Variants in APLF observed in about 807,000 individuals in gnomAD.
The protein encoded by APLF is aprataxin and PNK-like factor.
Under a neutral mutation model 55.6 loss-of-function variants are expected in APLF, and 61 were observed. That is an observed-to-expected ratio of 1.10 (90% CI 0.89 to 1.36). APLF has a LOEUF of 1.36. Among genes scored for constraint, APLF ranks in the 40% most tolerant of loss-of-function variants. APLF has a pLI of 0.00. For synonymous variants in APLF, 207 were observed against 214.8 expected (o/e 0.96, Z 0.32); for missense variants, 611 against 602.5 (o/e 1.01, Z -0.15).
At chr2:68,518,750 T>TATATAATAAAATATTAATAATATATC (rs1269159035) in intron 5 of APLF, among the ~76,000 whole-genome samples, 76 of 110,854 alleles carry the variant, frequency 6.9e-4, no homozygotes, top group African/African-American at 2.9e-3. Flanking sequence ...ATATCATTAA[T>TATATAATAAAATATTAATAATATATC]ATATAATAAA....
chr2:68,573,164 A>G (rs1671532214), intron 9 of APLF, among the ~76,000 whole-genome samples: 1 of 152,170 alleles, frequency 6.6e-6, no homozygotes, highest in Admixed American at 6.5e-5. Flanking sequence ...TTTCATCACC[A>G]TGGTAGATCA....
intron 5 of APLF, among the ~76,000 whole-genome samples, chr2:68,520,520 T>C (rs1669866719): frequency 6.6e-6 from 1 of 151,974 alleles, no homozygotes; most frequent in South Asian, 2.1e-4. Flanking sequence ...TCCAGTTTCA[T>C]TCTTTTACAT....
intron 8 of APLF, among the ~76,000 whole-genome samples, chr2:68,566,145 T>C (rs942152468): frequency 1.3e-5 from 2 of 152,084 alleles, no homozygotes; most frequent in African/African-American, 4.8e-5. Context: ...GGAGGATTTA[T>C]AGAAAAATTT....
At chr2:68,567,937 A>C (rs1196912348) in intron 9 of APLF, among the ~76,000 whole-genome samples, 1 of 152,088 alleles carries the variant, frequency 6.6e-6, no homozygotes, top group African/African-American at 2.4e-5. Flanking sequence ...CAGAAAATTC[A>C]CTTTTTATTA....
At chr2:68,493,268 G>A (rs1010038945) in intron 2 of APLF, among the ~76,000 whole-genome samples, 2 of 152,080 alleles carry the variant, frequency 1.3e-5, no homozygotes, top group East Asian at 3.9e-4. Flanking sequence ...CTAGCATTGC[G>A]TATCAGTGGG....
intron 1 of APLF, among the ~76,000 whole-genome samples, chr2:68,486,964 C>G (rs1057088682): frequency 7.2e-5 from 11 of 152,186 alleles, no homozygotes; most frequent in Middle Eastern, 3.4e-3. Context: ...CCAGTGTATT[C>G]TTTTTGAGTC....
chr2:68,564,975 A>G (rs542385696), intron 8 of APLF, among the ~76,000 whole-genome samples: 94 of 152,264 alleles, frequency 6.2e-4, no homozygotes, highest in Non-Finnish European at 1.0e-3. Context: ...TGAATTAACT[A>G]AATACAATTT....
At chr2:68,481,059 T>A (rs1478016430) in intron 1 of APLF, among the ~76,000 whole-genome samples, 1 of 152,204 alleles carries the variant, frequency 6.6e-6, no homozygotes, top group African/African-American at 2.4e-5. Flanking sequence ...ATCAGGGATG[T>A]TGACTTGTAA....
At chr2:68,570,148 G>T (rs375245006) in intron 9 of APLF, among the ~76,000 whole-genome samples, 1 of 151,816 alleles carries the variant, frequency 6.6e-6, no homozygotes, top group Non-Finnish European at 1.5e-5. Context: ...CCTGTCATTT[G>T]TTAAGTTTCT....
chr2:68,551,603 CTTT>C (rs70954311), intron 8 of APLF, among the ~76,000 whole-genome samples: 1 of 115,742 alleles, frequency 8.6e-6, no homozygotes, highest in Non-Finnish European at 1.8e-5. Flanking sequence ...TCTTCTTCTT[CTTT>C]TTTTTTTTTT....
chr2:68,486,218 C>G (rs1676169520), intron 1 of APLF, among the ~76,000 whole-genome samples: 1 of 152,002 alleles, frequency 6.6e-6, no homozygotes, highest in African/African-American at 2.4e-5. Context: ...TGCTTCAGAC[C>G]TGGAATGTGA....
intron 8 of APLF, among the ~76,000 whole-genome samples, chr2:68,549,674 G>C (rs1442111075): frequency 6.6e-6 from 1 of 152,040 alleles, no homozygotes; most frequent in African/African-American, 2.4e-5. Context: ...TTATAGTGTT[G>C]TTCAGAATTT....
At position 68,578,767 on chromosome 2, in the gene APLF, A is replaced by G. The variant is rs923397185; in HGVS notation, c.*745A>G. The G allele has an allele frequency of 8.1e-6, 8 of 985,174 alleles. No individual in the cohort carries two copies. The South Asian group carries it at 2.8e-4, about 35-fold the overall frequency. The allele number at this position is 985,174 out of a possible 1,614,324, so 61.0% of individuals were successfully genotyped here. On this transcript the variant is annotated 3_prime_UTR_variant, in exon 10 of 10. Coordinates refer to ENST00000303795, the MANE Select transcript of APLF (RefSeq NM_173545.3). ...TTTTAACTCTCAGTGTGCTGTCTTT[A>G]TATTAAGAATAGAGAAACGACATAA...
rs895180694 is a variant in APLF at position 68,543,987 on chromosome 2, T to C, written c.1161-1200T>C. 3.3e-5 allele frequency among the ~76,000 whole-genome samples: 5 copies of C among 149,274 alleles called. No homozygotes were observed. In the South Asian group the frequency reaches 8.5e-4, roughly 25 times the overall value. ...GTTAAGTCAATTGTATTTTCTTTTT[T>C]TTTTTTTTTTTTGAGATGGAGTCTT... On this transcript the variant is annotated intron_variant, in intron 7 of 9. Coordinates refer to ENST00000303795, the MANE Select transcript of APLF (RefSeq NM_173545.3).
chr2:68,547,192 A>G (rs1670732444), intron 8 of APLF, among the ~76,000 whole-genome samples: 1 of 151,826 alleles, frequency 6.6e-6, no homozygotes, highest in Non-Finnish European at 1.5e-5. Context: ...ACCTCTATGA[A>G]GAAAACTATA....
chr2:68,570,607 T>C (rs1161627712), intron 9 of APLF, among the ~76,000 whole-genome samples: 1 of 152,188 alleles, frequency 6.6e-6, no homozygotes, highest in African/African-American at 2.4e-5. Context: ...TCCATGTCCC[T>C]GCAAAGGACA....
Position 68,578,589 on chromosome 2 carries a change from A to G in APLF, c.*567A>G. ...GATTGGTTCCAAATGGGTACTGAAA[A>G]TAGATTCAACTAGGCTGTAGAAGAG... On this transcript the variant is annotated 3_prime_UTR_variant, in exon 10 of 10. Coordinates refer to ENST00000303795, the MANE Select transcript of APLF (RefSeq NM_173545.3). The G allele has an allele frequency of 1.1e-5, 11 of 985,524 alleles. No homozygotes were observed. The highest frequency in any genetic ancestry group is 1.3e-5 in the Non-Finnish European group (11 of 830,048). 61.0% of individuals were successfully genotyped at this position (985,524 alleles called of 1,614,324 possible).
chr2:68,518,960 T>A (rs1480778918), intron 5 of APLF, among the ~76,000 whole-genome samples: 4 of 123,460 alleles, frequency 3.2e-5, no homozygotes, highest in Admixed American at 2.8e-4. Flanking sequence ...TTATTAATAA[T>A]ACATAATAAT....
chr2:68,483,707 CCT>C (rs1235816983), intron 1 of APLF, among the ~76,000 whole-genome samples: 55 of 151,978 alleles, frequency 3.6e-4, no homozygotes, highest in Admixed American at 3.6e-3. Context: ...TAATATACAT[CCT>C]GTGTACTATA....
Sources: allele counts gnomAD v4.1 joint callset (sites outside exome capture counted in the v4.1 genomes callset), GRCh38; gene constraint gnomAD v4.1.1; transcripts MANE v1.5; gene names NCBI Gene and HGNC (gene_info 2026-07-23, HGNC 2026-07-21).